Variants in ALMS1 observed in about 807,000 individuals in gnomAD.
ALMS1 encodes the protein ALMS1 centrosome and basal body associated protein.
Under a neutral mutation model 352.2 loss-of-function variants are expected in ALMS1, and 271 were observed. That is an observed-to-expected ratio of 0.77 (90% CI 0.70 to 0.85). ALMS1 has a LOEUF of 0.85. Among genes scored for constraint, ALMS1 ranks in the 40% least tolerant of loss-of-function variants. The pLI is 0.00. For missense variants in ALMS1, 5,445 were observed against 4,870.7 expected (o/e 1.12, Z -3.51); for synonymous variants, 1,865 against 1,761.2 (o/e 1.06, Z -1.48).
At position 73,489,680 on chromosome 2, in the gene ALMS1, G is replaced by A. The variant is rs753424368; in HGVS notation, c.7721G>A (p.Cys2574Tyr). 2 of 1,614,130 alleles carry A rather than the reference G, an allele frequency of 1.2e-6. No homozygotes were observed. The highest frequency in any genetic ancestry group is 1.1e-5 in the South Asian group (1 of 91,074). The change falls in exon 10 of 23, where the codon TGT becomes TAT. Residue 2574 changes from cysteine (C) to tyrosine (Y), a missense_variant. Cys to Tyr is a radical substitution (Grantham distance 194). Transcript: ENST00000613296. Reference protein sequence around the residue: ...RGMGCKPEAVCSHIIIESHEK... With the variant: ...RGMGCKPEAVYSHIIIESHEK... ...ATGGGATGCAAGCCAGAAGCTGTAT[G>A]TAGTCACATTATTATTGAGAGCCAT...
chr2:73,547,138 C>A (rs1382663699), intron 12 of ALMS1, among the ~76,000 whole-genome samples: 2 of 152,136 alleles, frequency 1.3e-5, no homozygotes, highest in South Asian at 4.1e-4. Context: ...TTCTGCCCAC[C>A]TGTAGGCTAT....
At chr2:73,530,461 C>T (rs530083235) in intron 11 of ALMS1, among the ~76,000 whole-genome samples, 4 of 152,364 alleles carry the variant, frequency 2.6e-5, no homozygotes, top group African/African-American at 9.6e-5. Context: ...CAGCCTTGGG[C>T]AGCTCCACCC....
At chr2:73,404,515 C>G (rs1235282378) in intron 1 of ALMS1, among the ~76,000 whole-genome samples, 1 of 150,296 alleles carries the variant, frequency 6.7e-6, no homozygotes, top group Non-Finnish European at 1.5e-5. Flanking sequence ...TTGTGAAGTG[C>G]TATTTCGGTT....
intron 9 of ALMS1, among the ~76,000 whole-genome samples, chr2:73,488,255 T>C (rs567574233): frequency 2.6e-5 from 4 of 152,258 alleles, no homozygotes; most frequent in Admixed American, 2.6e-4. Flanking sequence ...GCAACCTCCC[T>C]CCTGTGCTTG....
chr2:73,593,191 GAA>G (rs1001144321), intron 16 of ALMS1, among the ~76,000 whole-genome samples: 5 of 133,898 alleles, frequency 3.7e-5, no homozygotes, highest in Admixed American at 7.5e-5. Flanking sequence ...ATGGATTCAG[GAA>G]AAAAAAAAAA....
chr2:73,527,821 A>G (rs1392655421), intron 11 of ALMS1, among the ~76,000 whole-genome samples: 2 of 149,482 alleles, frequency 1.3e-5, no homozygotes, highest in African/African-American at 4.9e-5. Flanking sequence ...TTTCTAGTTC[A>G]TTAGCATACG....
intron 10 of ALMS1, among the ~76,000 whole-genome samples, chr2:73,492,993 A>G (rs1421240237): frequency 6.6e-6 from 1 of 152,008 alleles, no homozygotes; most frequent in Non-Finnish European, 1.5e-5. Context: ...AAGTTTAGAA[A>G]TTAAAACATT....
At position 73,392,801 on chromosome 2, in the gene ALMS1, G is replaced by A. The variant is rs532568418; in HGVS notation, c.324+6609G>A. ...TTTGGCTATTATGTATAATGCTACC[G>A]TAGACATTCTTATATAAGTGTATGT... On this transcript the variant is annotated intron_variant, in intron 1 of 22. Coordinates refer to ENST00000613296, the MANE Select transcript of ALMS1 (RefSeq NM_001378454.1). Among the ~76,000 whole-genome samples, 19 of 152,088 alleles carry A rather than the reference G, an allele frequency of 1.2e-4. No individual in the cohort carries two copies. The East Asian group carries it at 1.4e-3, about 11-fold the overall frequency.
chr2:73,469,899 A>G (rs1672433868), intron 9 of ALMS1: 1 of 151,910 alleles, frequency 6.6e-6, no homozygotes, highest in South Asian at 2.1e-4. Context: ...AGATGTTTAT[A>G]TGGGTGACTC....
At chr2:73,518,177 C>T (rs1424167910) in intron 10 of ALMS1, among the ~76,000 whole-genome samples, 1 of 149,924 alleles carries the variant, frequency 6.7e-6, no homozygotes, top group Non-Finnish European at 1.5e-5. Context: ...TCCATGAGTT[C>T]TCATCATTTA....
rs939138843 is a variant in ALMS1 at position 73,517,313 on chromosome 2, G to T, written c.9540-2462G>T. ...GTTACCCAGGCTCTGGAGTACAGTG[G>T]TGCAGTCACGGCTCACTGCTGCCTC... On this transcript the variant is annotated intron_variant, in intron 10 of 22. Transcript: ENST00000613296. 7.9e-5 allele frequency among the ~76,000 whole-genome samples: 11 copies of T among 138,630 alleles called. No homozygotes were observed. In the South Asian group the frequency reaches 2.2e-3, roughly 28 times the overall value. The allele number at this position is 138,630 out of a possible 152,430, so 90.9% of individuals were successfully genotyped here.
rs191025239 is a variant in ALMS1, at chr2:73,599,951, G to A, written c.11668+430G>A. 1.5e-3 allele frequency among the ~76,000 whole-genome samples: 222 copies of A among 152,304 alleles called. 1 individual carries two copies. Among genetic ancestry groups the A allele is most frequent in the African/African-American group, 4.6e-3 (191 of 41,560 alleles). ...TTAAAGTGAATTTAGGTGTTCCTCAGTAGCTGAATGATTACATAAATTATT... is the reference window on the plus strand; with the variant it reads ...TTAAAGTGAATTTAGGTGTTCCTCAATAGCTGAATGATTACATAAATTATT... On this transcript the variant is annotated intron_variant, in intron 17 of 22. Transcript: ENST00000613296.
At position 73,531,001 on chromosome 2, in the gene ALMS1, G is replaced by C. The variant is rs577407938; in HGVS notation, c.9782-3823G>C. On this transcript the variant is annotated intron_variant, in intron 11 of 22. Transcript: ENST00000613296. ...CCATTTTTCCCTCCTAGGCCTCCAGGCCTGTGATGGAAGGGACTCCCGTTA... is the reference window on the plus strand; with the variant it reads ...CCATTTTTCCCTCCTAGGCCTCCAGCCCTGTGATGGAAGGGACTCCCGTTA... Among the ~76,000 whole-genome samples the C allele has an allele frequency of 1.2e-3, 190 of 152,356 alleles. 1 individual carries two copies. The highest frequency in any genetic ancestry group is 1.3e-3 in the Non-Finnish European group (86 of 68,042).
intron 11 of ALMS1, 140 bp from the exon 12 acceptor site, chr2:73,534,684 G>T (rs1374760512): frequency 1.3e-5 from 10 of 790,062 alleles, no homozygotes; most frequent in East Asian, 2.6e-5. Flanking sequence ...TCTTCTTGAA[G>T]GCAGAGATAC....
Position 73,386,046 on chromosome 2 carries a change from T to C in ALMS1, c.178T>C (p.Tyr60His). 1.3e-6 allele frequency: 2 copies of C among 1,577,038 alleles called. No individual in the cohort carries two copies. The highest frequency in any genetic ancestry group is 1.7e-6 in the Non-Finnish European group (2 of 1,161,866). ...GCGGGAGTTGGACTCCGACTCTCACTACGGGCCCCAGCATCTGGAAAGTAT... is the reference window on the plus strand; with the variant it reads ...GCGGGAGTTGGACTCCGACTCTCACCACGGGCCCCAGCATCTGGAAAGTAT... ...AGRELDSDSHYGPQHLESIDD... is the reference protein window; with the variant it reads ...AGRELDSDSHHGPQHLESIDD... The change falls in exon 1 of 23, where the codon TAC (tyrosine) becomes CAC (histidine). Residue 60 changes from tyrosine to histidine, a missense_variant. By Grantham distance (83) the Tyr-to-His change is moderately conservative (BLOSUM62 2). Transcript: ENST00000613296.
At chr2:73,391,161 A>G (rs1278482935) in intron 1 of ALMS1, among the ~76,000 whole-genome samples, 1 of 152,048 alleles carries the variant, frequency 6.6e-6, no homozygotes, top group African/African-American at 2.4e-5. Context: ...CCAGAGTTCA[A>G]CATCCCCCCA....
At position 73,452,816 on chromosome 2, in the gene ALMS1, C is replaced by T; in HGVS notation, c.6289C>T (p.His2097Tyr). 1 of 1,613,750 alleles carries T rather than the reference C, an allele frequency of 6.2e-7. No individual in the cohort carries two copies. The highest frequency in any genetic ancestry group is 8.5e-7 in the Non-Finnish European group (1 of 1,179,966). Residue 2097 changes from histidine to tyrosine, a missense_variant, in exon 8 of 23, where the codon CAC (histidine) becomes TAC (tyrosine). His to Tyr is a moderately conservative substitution (Grantham distance 83). Coordinates refer to ENST00000613296, the MANE Select transcript of ALMS1 (RefSeq NM_001378454.1). Reference sequence around the variant, plus strand: ...AGTATCTCTCTCTAGTTCTTATTTTCACAGAGAGAAATCGAATATTTTCAG... The same window carrying T: ...AGTATCTCTCTCTAGTTCTTATTTTTACAGAGAGAAATCGAATATTTTCAG... ...KPVSLSSSYFHREKSNIFSPQ... is the reference protein window; with the variant it reads ...KPVSLSSSYFYREKSNIFSPQ...
At chr2:73,550,159 C>T (rs1213886023) in intron 12 of ALMS1, 108 bp from the exon 13 acceptor site, 1 of 1,188,006 alleles carries the variant, frequency 8.4e-7, no homozygotes, top group South Asian at 1.4e-5. Context: ...CGTGCCTGGC[C>T]TGTAGTGCTT....
intron 16 of ALMS1, among the ~76,000 whole-genome samples, chr2:73,585,740 T>C (rs1431648071): frequency 1.3e-5 from 2 of 148,878 alleles, no homozygotes; most frequent in Admixed American, 6.7e-5. Flanking sequence ...TTTTTTTTTT[T>C]TCCCCGAGAC....
Sources: allele counts gnomAD v4.1 joint callset (sites outside exome capture counted in the v4.1 genomes callset), GRCh38; gene constraint gnomAD v4.1.1; transcripts MANE v1.5; gene names NCBI Gene and HGNC (gene_info 2026-07-23, HGNC 2026-07-21).